The following FGF1 variants were observed in gnomAD, a reference collection of about 807,000 sequenced individuals.
FGF1 encodes beta-endothelial cell growth factor.
In FGF1, 9 loss-of-function variants were observed where a neutral mutation model predicts 13.4. The ratio of observed to expected loss-of-function variants is 0.67; its 90% CI spans 0.40 to 1.17. FGF1 has a LOEUF of 1.17. FGF1 is among the 50% of genes most tolerant of loss of function. FGF1 has a pLI of 0.01. For synonymous variants in FGF1, 93 were observed against 79.0 expected (o/e 1.18, Z -0.94); for missense variants, 156 against 192.7 (o/e 0.81, Z 1.13).
intron 2 of FGF1, among the ~76,000 whole-genome samples, chr5:142,691,614 T>C (rs1007430157): frequency 1.3e-5 from 2 of 151,960 alleles, no homozygotes; most frequent in African/African-American, 4.8e-5. Flanking sequence ...CAAGCTCGAG[T>C]GTGCACTGGA....
chr5:142,696,287 CA>C lies in FGF1; in HGVS notation c.-35+1334del, dbSNP rs1753098979. Among the ~76,000 whole-genome samples the C allele has an allele frequency of 2.6e-5, 4 of 152,242 alleles. No homozygotes were observed. In the South Asian group the frequency reaches 8.3e-4, roughly 32 times the overall value. On this transcript the variant is annotated intron_variant, in intron 2 of 4. Coordinates refer to the FGF1 transcript ENST00000407758. ...AGCTTTGAGTCAATCTAGACCATTG[CA>C]AAAAAGCAACATAGAGTGGCAACCA...
chr5:142,645,499 A>G (rs918822678), intron 1 of FGF1, among the ~76,000 whole-genome samples: 5 of 152,262 alleles, frequency 3.3e-5, no homozygotes, highest in African/African-American at 1.2e-4. Context: ...TCTAGTTACT[A>G]GCTCTGTGAC....
At chr5:142,599,272 C>T (rs188986180) in intron 3 of FGF1, among the ~76,000 whole-genome samples, 194 of 152,304 alleles carry the variant, frequency 1.3e-3, no homozygotes, top group Admixed American at 5.4e-3. Context: ...CCCTTAAAGC[C>T]GTCCCAGGTG....
At chr5:142,647,799 T>C (rs1232479877) in intron 1 of FGF1, among the ~76,000 whole-genome samples, 1 of 152,008 alleles carries the variant, frequency 6.6e-6, no homozygotes, top group African/African-American at 2.4e-5. Context: ...GGATTTTGGG[T>C]TGGGCACGGT....
intron 2 of FGF1, among the ~76,000 whole-genome samples, chr5:142,694,686 G>A (rs1337380592): frequency 3.3e-5 from 5 of 152,132 alleles, no homozygotes; most frequent in African/African-American, 1.2e-4. Flanking sequence ...TGTACTGACC[G>A]GCAGCCCAAG....
At chr5:142,604,983 C>T (rs1757327611) in intron 2 of FGF1, among the ~76,000 whole-genome samples, 1 of 152,162 alleles carries the variant, frequency 6.6e-6, no homozygotes, top group Non-Finnish European at 1.5e-5. Flanking sequence ...GGTTAGTTGC[C>T]TGGGACTCTT....
In FGF1 at chr5:142,593,490, T is replaced by G. The variant is rs746950235; in HGVS notation, c.*1800A>C. On this transcript the variant is annotated 3_prime_UTR_variant, in exon 4 of 4. Transcript: ENST00000337706. ...TGTCATTTTCCTTCCATTCTAAATA[T>G]GACAGTTCAGTTACTAAGGAATTGT... is the stretch of plus-strand genomic sequence containing the variant. The G allele has an allele frequency of 6.6e-6, 1 of 152,238 alleles. No individual in the cohort carries two copies. The highest frequency in any genetic ancestry group is 1.5e-5 in the Non-Finnish European group (1 of 68,034). The allele number at this position is 152,238 out of a possible 1,614,324, so 9.4% of individuals were successfully genotyped here. A position where few individuals can be genotyped will look rare whatever the true frequency, so the allele number is the denominator to read the frequency against.
At chr5:142,618,921 GTTGTTTTGTTTTTTTTTT>G (rs1466177905) in intron 1 of FGF1, among the ~76,000 whole-genome samples, 4 of 108,358 alleles carry the variant, frequency 3.7e-5, no homozygotes, top group African/African-American at 6.5e-5. Context: ...TTATTTTTTA[GTTGTTTTGTTTTTTTTTT>G]TTTTTTTTTT....
chr5:142,610,765 G>T (rs1170091971), intron 2 of FGF1, among the ~76,000 whole-genome samples: 4 of 152,202 alleles, frequency 2.6e-5, no homozygotes, highest in African/African-American at 4.8e-5. Flanking sequence ...CTGCAGGCTA[G>T]AAGTCCACCA....
upstream of FGF1, among the ~76,000 whole-genome samples, chr5:142,690,449 T>G (rs1202451928): frequency 6.6e-6 from 1 of 152,242 alleles, no homozygotes; most frequent in Non-Finnish European, 1.5e-5. Context: ...AACCCTCTTT[T>G]CTCCAAAGAT....
At chr5:142,598,080 C>A (rs1168238494) in intron 3 of FGF1, among the ~76,000 whole-genome samples, 1 of 152,128 alleles carries the variant, frequency 6.6e-6, no homozygotes, top group South Asian at 2.1e-4. Flanking sequence ...TCTAGAGGAA[C>A]TTGGTGCAGA....
chr5:142,635,865 G>A (rs573139979), intron 1 of FGF1, among the ~76,000 whole-genome samples: 5 of 152,182 alleles, frequency 3.3e-5, no homozygotes, highest in African/African-American at 1.2e-4. Flanking sequence ...GGAAGGGAAG[G>A]CTTGATTATT....
At chr5:142,644,173 T>A (rs1765638881) in intron 1 of FGF1, 1 of 152,258 alleles carries the variant, frequency 6.6e-6, no homozygotes, top group South Asian at 2.1e-4. Context: ...AGCAGTGAAC[T>A]CACTCACTAA....
intron 2 of FGF1, among the ~76,000 whole-genome samples, chr5:142,696,465 C>T (rs138836715): frequency 6.6e-6 from 1 of 152,302 alleles, no homozygotes; most frequent in East Asian, 1.9e-4. Flanking sequence ...ACAGTACCCA[C>T]ATTCGTTCTA....
At chr5:142,647,107 C>G (rs1295971964) in intron 1 of FGF1, among the ~76,000 whole-genome samples, 1 of 152,156 alleles carries the variant, frequency 6.6e-6, no homozygotes, top group Non-Finnish European at 1.5e-5. Context: ...AGTATGCAAC[C>G]TCCAAATAAG....
At chr5:142,682,306 A>G (rs773042367) in intron 1 of FGF1, among the ~76,000 whole-genome samples, 1 of 150,544 alleles carries the variant, frequency 6.6e-6, no homozygotes, top group African/African-American at 2.4e-5. Flanking sequence ...CTGGTCTTGA[A>G]CTCCTGACCT....
intron 1 of FGF1, among the ~76,000 whole-genome samples, chr5:142,647,156 TGAG>T (rs1231351910): frequency 1.3e-5 from 2 of 152,242 alleles, no homozygotes; most frequent in African/African-American, 4.8e-5. Flanking sequence ...TGAAGACAAT[TGAG>T]AAGAAGCAGA....
At chr5:142,668,034 C>A (rs1006365552) in intron 1 of FGF1, among the ~76,000 whole-genome samples, 3 of 152,226 alleles carry the variant, frequency 2.0e-5, no homozygotes, top group African/African-American at 7.2e-5. Context: ...CAGGCAGGCC[C>A]CTGGGGGAGG....
rs535392896 is a variant in FGF1 at position 142,593,461 on chromosome 5, A to T, written c.*1829T>A. ...TTGCACTATTGCTTTGAACTTTCAC[A>T]AACTGTCATTTTCCTTCCATTCTAA... On this transcript the variant is annotated 3_prime_UTR_variant, in exon 4 of 4. Coordinates refer to ENST00000337706, the MANE Select transcript of FGF1 (RefSeq NM_000800.5). 5.8e-4 allele frequency: 88 copies of T among 152,320 alleles called. 1 individual carries two copies. The highest frequency in any genetic ancestry group is 3.4e-3 in the Middle Eastern group (1 of 294). 9.4% of individuals were successfully genotyped at this position (152,320 alleles called of 1,614,324 possible).
Sources: gnomAD v4.1 joint callset for allele counts (sites outside exome capture counted in the v4.1 genomes callset) on GRCh38, gnomAD v4.1.1 for gene constraint, MANE v1.5 for transcripts, NCBI Gene and HGNC (gene_info 2026-07-23, HGNC 2026-07-21) for gene names.